The following RALGPS1 variants were observed in gnomAD, a reference collection of about 807,000 sequenced individuals.
RALGPS1 encodes the protein ras-specific guanine nucleotide-releasing factor RalGPS1.
Under a neutral mutation model 78.8 loss-of-function variants are expected in RALGPS1, and 19 were observed. The ratio of observed to expected loss-of-function variants is 0.24; its 90% CI spans 0.17 to 0.35. The LOEUF is 0.35. RALGPS1 is among the 10% of genes least tolerant of loss of function. The probability of loss-of-function intolerance (pLI) is 1.00; values close to 1 mark genes in which losing one functional copy is unlikely to be tolerated. For synonymous variants in RALGPS1, 228 were observed against 256.3 expected, an observed-to-expected ratio of 0.89 and a Z score of 1.06; for missense variants, 454 against 688.3, an observed-to-expected ratio of 0.66 and a Z score of 3.81.
intron 8 of RALGPS1, among the ~76,000 whole-genome samples, chr9:127,093,151 C>T (rs2052683321): frequency 6.6e-6 from 1 of 152,164 alleles, no homozygotes; most frequent in African/African-American, 2.4e-5. Context: ...CTTAGTACTA[C>T]CTCTGTTTAG....
At chr9:127,114,958 G>T (rs1380028771) in intron 8 of RALGPS1, among the ~76,000 whole-genome samples, 2 of 152,202 alleles carry the variant, frequency 1.3e-5, no homozygotes, top group Admixed American at 1.3e-4. Flanking sequence ...TGGTGTGCTG[G>T]TAGGGAAGTA....
intron 4 of RALGPS1, among the ~76,000 whole-genome samples, chr9:127,029,301 A>G (rs2046222161): frequency 6.6e-6 from 1 of 152,152 alleles, no homozygotes; most frequent in Non-Finnish European, 1.5e-5. Flanking sequence ...CAAAACTGGC[A>G]CTGTCTCCCT....
At chr9:127,197,027 C>A (rs113817206) in intron 13 of RALGPS1, among the ~76,000 whole-genome samples, 10,681 of 152,216 alleles carry the variant, frequency 0.07, 1,217 homozygotes, top group African/African-American at 0.24. Context: ...GAGAGGCAGC[C>A]AGGGAGGGTA....
chr9:127,087,243 G>A (rs1378381053), intron 8 of RALGPS1: 1 of 152,448 alleles, frequency 6.6e-6, no homozygotes, highest in African/African-American at 2.4e-5. Flanking sequence ...TCTGGTGTGT[G>A]TCCTGGTGCC....
intron 5 of RALGPS1, among the ~76,000 whole-genome samples, chr9:127,043,309 A>G (rs1253393988): frequency 6.6e-6 from 1 of 152,106 alleles, no homozygotes; most frequent in East Asian, 1.9e-4. Flanking sequence ...CTACACAAAT[A>G]TGGTCAGCTG....
chr9:126,989,845 T>G (rs912860477), intron 4 of RALGPS1: 6 of 1,546,088 alleles, frequency 3.9e-6, no homozygotes, highest in Non-Finnish European at 5.2e-6. Flanking sequence ...GCTCGAGACC[T>G]TGAGCTTGAC....
rs1163116649 is a variant in RALGPS1 at position 127,000,534 on chromosome 9, C to CTTTTTTTTTTTTTTTTTTTTTTTTTTTTT, written c.216+22792_216+22820dup. Among the ~76,000 whole-genome samples, 4 of 33,308 alleles carry CTTTTTTTTTTTTTTTTTTTTTTTTTTTTT rather than the reference C, an allele frequency of 1.2e-4. 2 individuals are homozygous for CTTTTTTTTTTTTTTTTTTTTTTTTTTTTT. The allele number at this position is 33,308 out of a possible 152,430, so 21.9% of individuals were successfully genotyped here. ...TCCTGCTATTGATTTCTTGTCTTGT[C>CTTTTTTTTTTTTTTTTTTTTTTTTTTTTT]TTTTTTTTTTTTTTTTTTTTTTTTT... is the stretch of plus-strand genomic sequence containing the variant. On this transcript the variant is annotated intron_variant, in intron 4 of 18. Coordinates refer to ENST00000259351, the MANE Select transcript of RALGPS1 (RefSeq NM_014636.3).
intron 8 of RALGPS1, among the ~76,000 whole-genome samples, chr9:127,098,277 C>T (rs2053359919): frequency 6.6e-6 from 1 of 152,208 alleles, no homozygotes; most frequent in African/African-American, 2.4e-5. Flanking sequence ...TCCCTTTGGA[C>T]CAGTGCAGAG....
chr9:127,093,965 T>C (rs1205370946), intron 8 of RALGPS1: 1 of 1,596,494 alleles, frequency 6.3e-7, no homozygotes. Flanking sequence ...CAGACCTGCC[T>C]GTCACCAGGC....
chr9:127,222,445 C>T lies in RALGPS1; in HGVS notation c.*3676C>T, dbSNP rs2131092726. ...ATGAGAGAGTAGGGTCAAACTGTCA[C>T]AGTATCTGCTCCATAGGTTTCTGTT... On this transcript the variant is annotated 3_prime_UTR_variant, in exon 19 of 19. Transcript: ENST00000259351. 6.6e-6 allele frequency: 1 copy of T among 152,370 alleles called. No homozygotes were observed. The highest frequency in any genetic ancestry group is 2.1e-4 in the South Asian group (1 of 4,830). The allele number at this position is 152,370 out of a possible 1,614,324, so 9.4% of individuals were successfully genotyped here. A position where few individuals can be genotyped will look rare whatever the true frequency, so the allele number is the denominator to read the frequency against.
intron 8 of RALGPS1, among the ~76,000 whole-genome samples, chr9:127,109,145 G>C (rs1206727372): frequency 6.6e-6 from 1 of 152,186 alleles, no homozygotes; most frequent in African/African-American, 2.4e-5. Flanking sequence ...GCAGAGGGAG[G>C]GTTTTCTGGT....
At chr9:126,954,486 GCTCAACA>G (rs1396182498) in intron 1 of RALGPS1, among the ~76,000 whole-genome samples, 1 of 152,168 alleles carries the variant, frequency 6.6e-6, no homozygotes, top group Admixed American at 6.5e-5. Flanking sequence ...TCACTCCCCT[GCTCAACA>G]CTCTCTAGCA....
At chr9:126,981,198 T>C (rs1052476332) in intron 4 of RALGPS1, among the ~76,000 whole-genome samples, 1 of 152,052 alleles carries the variant, frequency 6.6e-6, no homozygotes, top group African/African-American at 2.4e-5. Context: ...CTATGAGGAG[T>C]TATGGTGAGA....
chr9:127,176,629 T>C (rs565944205), intron 11 of RALGPS1, among the ~76,000 whole-genome samples: 1 of 152,356 alleles, frequency 6.6e-6, no homozygotes, highest in African/African-American at 2.4e-5. Flanking sequence ...TTCAGTTCAA[T>C]AGCCTTCACA....
At chr9:127,196,091 G>A (rs1366746875) in intron 12 of RALGPS1, among the ~76,000 whole-genome samples, 3 of 152,220 alleles carry the variant, frequency 2.0e-5, no homozygotes, top group Non-Finnish European at 4.4e-5. Flanking sequence ...TTGCAATGGT[G>A]GAAAAACATC....
At chr9:127,000,042 C>T (rs920169967) in intron 4 of RALGPS1, among the ~76,000 whole-genome samples, 3 of 152,148 alleles carry the variant, frequency 2.0e-5, no homozygotes, top group East Asian at 3.9e-4. Flanking sequence ...TCTATAGGAT[C>T]TGTCATGATG....
chr9:127,018,076 G>A (rs570760416), intron 4 of RALGPS1, among the ~76,000 whole-genome samples: 1 of 152,008 alleles, frequency 6.6e-6, no homozygotes, highest in African/African-American at 2.4e-5. Context: ...AACTTAGCCG[G>A]GCATGTTGGT....
intron 5 of RALGPS1, among the ~76,000 whole-genome samples, chr9:127,037,208 G>C (rs1589143495): frequency 2.0e-5 from 3 of 152,250 alleles, no homozygotes; most frequent in African/African-American, 7.2e-5. Context: ...GGAGCTATGA[G>C]CTGAAAGGAA....
chr9:126,990,006 C>T lies in RALGPS1; in HGVS notation c.216+12261C>T, dbSNP rs960292439. ...TGCCTGTGGGTCCAGGAACCTGACC[C>T]TCTGGCCTTTTGTCTGGATGCCGTT... On this transcript the variant is annotated intron_variant, in intron 4 of 18. Transcript: ENST00000259351. 1.2e-5 allele frequency: 18 copies of T among 1,550,006 alleles called. No homozygotes were observed. In the African/African-American group the frequency reaches 2.5e-4, roughly 21 times the overall value.
Sources: allele counts gnomAD v4.1 joint callset (sites outside exome capture counted in the v4.1 genomes callset), GRCh38; gene constraint gnomAD v4.1.1; transcripts MANE v1.5; gene names NCBI Gene and HGNC (gene_info 2026-07-23, HGNC 2026-07-21).